The following MAML3 variants were observed in gnomAD, a reference collection of about 807,000 sequenced individuals.
MAML3 encodes the protein mastermind like transcriptional coactivator 3, also known as mastermind-like protein 3.
MAML3 carries 27 observed loss-of-function variants against 101.9 expected under a neutral mutation model. That is an observed-to-expected ratio of 0.27 (90% CI 0.20 to 0.37). The LOEUF (loss-of-function observed/expected upper bound fraction) is 0.37, where lower values mean the gene tolerates loss of function less well. Ranked by LOEUF, MAML3 falls within the 10% of genes least tolerant of loss-of-function variation. MAML3 has a pLI of 1.00. For missense variants in MAML3, 1,316 were observed against 1,444.9 expected (o/e 0.91, Z 1.45); for synonymous variants, 501 against 555.9 (o/e 0.90, Z 1.39).
chr4:139,814,029 C>CAA (rs1348884449), intron 2 of MAML3, among the ~76,000 whole-genome samples: 14 of 149,348 alleles, frequency 9.4e-5, no homozygotes, highest in African/African-American at 2.8e-4. Flanking sequence ...AACACAAACA[C>CAA]ACACACACAC....
At chr4:140,129,131 GA>G (rs1178922317) in intron 1 of MAML3, among the ~76,000 whole-genome samples, 1 of 152,062 alleles carries the variant, frequency 6.6e-6, no homozygotes, top group Non-Finnish European at 1.5e-5. Flanking sequence ...ATAATTAGAC[GA>G]GCCTCAGAAG....
At chr4:139,771,416 A>G (rs536439823) in intron 2 of MAML3, among the ~76,000 whole-genome samples, 38 of 152,350 alleles carry the variant, frequency 2.5e-4, no homozygotes, top group African/African-American at 8.7e-4. Context: ...AACATCAGGT[A>G]GTGAAGAAGT....
At chr4:139,739,290 C>A (rs1375562112) in intron 2 of MAML3, among the ~76,000 whole-genome samples, 2 of 152,332 alleles carry the variant, frequency 1.3e-5, no homozygotes, top group East Asian at 3.9e-4. Context: ...GAGAATGCCA[C>A]CAGCCACAGG....
At chr4:140,071,579 A>G (rs1727654127) in intron 1 of MAML3, among the ~76,000 whole-genome samples, 1 of 152,102 alleles carries the variant, frequency 6.6e-6, no homozygotes, top group Non-Finnish European at 1.5e-5. Flanking sequence ...ACATAAACAC[A>G]TACATAATAG....
At chr4:140,093,994 G>A (rs1490296984) in intron 1 of MAML3, among the ~76,000 whole-genome samples, 2 of 152,222 alleles carry the variant, frequency 1.3e-5, no homozygotes, top group African/African-American at 2.4e-5. Flanking sequence ...GCCAGCAGCT[G>A]AGGCTGAGCC....
chr4:140,079,157 A>G (rs1464038900), intron 1 of MAML3, among the ~76,000 whole-genome samples: 1 of 152,166 alleles, frequency 6.6e-6, no homozygotes, highest in East Asian at 1.9e-4. Context: ...AAAGGAAGGT[A>G]ACCTCTTCAG....
At chr4:139,816,259 C>G (rs1730890941) in intron 2 of MAML3, among the ~76,000 whole-genome samples, 2 of 152,078 alleles carry the variant, frequency 1.3e-5, no homozygotes, top group South Asian at 4.1e-4. Context: ...TAACTTCATG[C>G]CAAAATGAAA....
At chr4:140,021,799 T>C (rs1369192672) in intron 1 of MAML3, among the ~76,000 whole-genome samples, 1 of 152,172 alleles carries the variant, frequency 6.6e-6, no homozygotes, top group East Asian at 1.9e-4. Context: ...CCTCCAGTTT[T>C]GTTTGGCTTA....
intron 2 of MAML3, among the ~76,000 whole-genome samples, chr4:139,810,026 G>A (rs1221537663): frequency 2.0e-5 from 3 of 151,930 alleles, no homozygotes; most frequent in Admixed American, 2.0e-4. Context: ...GTTATAAAGG[G>A]AAGAGAAATA....
At chr4:140,016,566 G>C (rs1025369490) in intron 1 of MAML3, among the ~76,000 whole-genome samples, 13 of 152,118 alleles carry the variant, frequency 8.5e-5, no homozygotes, top group African/African-American at 3.1e-4. Context: ...AAGACTGTGG[G>C]GTACTAGTGA....
Position 139,844,990 on chromosome 4 carries a change from GTCTGTCTCTCTC to G in MAML3, c.2079+44355_2079+44366del, listed in dbSNP as rs752326231. Among the ~76,000 whole-genome samples, 60 of 151,098 alleles carry G rather than the reference GTCTGTCTCTCTC, an allele frequency of 4.0e-4. 1 individual carries two copies. The highest frequency in any genetic ancestry group is 1.5e-3 in the East Asian group (8 of 5,174). ...TTTCTATTTCTCTTTCTCTCTCTCTGTCTGTCTCTCTCTCTGTCTCTCTCTCTCTCTCTCCCT... is the reference window on the plus strand; with the variant it reads ...TTTCTATTTCTCTTTCTCTCTCTCTGTCTGTCTCTCTCTCTCTCTCTCCCT... On this transcript the variant is annotated intron_variant, in intron 2 of 4. Transcript: ENST00000509479.
intron 2 of MAML3, among the ~76,000 whole-genome samples, chr4:139,859,101 C>T (rs948250362): frequency 7.2e-5 from 11 of 152,160 alleles, no homozygotes; most frequent in African/African-American, 2.4e-5. Context: ...TCAAAAGCAC[C>T]TCAGGATACC....
intron 1 of MAML3, among the ~76,000 whole-genome samples, chr4:140,075,376 C>G (rs574943496): frequency 6.6e-6 from 1 of 152,232 alleles, no homozygotes; most frequent in Admixed American, 6.5e-5. Flanking sequence ...AACAAGTTAA[C>G]AAAATGCAAG....
intron 1 of MAML3, among the ~76,000 whole-genome samples, chr4:139,970,231 C>T (rs4863711): frequency 0.32 from 47,943 of 152,032 alleles, 8,392 homozygotes; most frequent in East Asian, 0.62. Flanking sequence ...GCAGGCTTCA[C>T]GGACAAGGTA....
At chr4:139,788,728 CAA>C (rs1349898503) in intron 2 of MAML3, among the ~76,000 whole-genome samples, 2 of 152,228 alleles carry the variant, frequency 1.3e-5, no homozygotes, top group Non-Finnish European at 2.9e-5. Flanking sequence ...AAATTTCCGT[CAA>C]AGAGGACATG....
chr4:139,953,576 G>A (rs1212393542), intron 1 of MAML3, among the ~76,000 whole-genome samples: 1 of 152,128 alleles, frequency 6.6e-6, no homozygotes, highest in Admixed American at 6.5e-5. Context: ...CTGAGATGGC[G>A]CCAATGTACT....
chr4:140,129,922 G>A (rs1728761556), intron 1 of MAML3, among the ~76,000 whole-genome samples: 2 of 150,642 alleles, frequency 1.3e-5, no homozygotes, highest in Admixed American at 6.6e-5. Flanking sequence ...CCAAGATTGT[G>A]CCACTGCACT....
chr4:140,150,744 G>A (rs1729143989), intron 1 of MAML3, among the ~76,000 whole-genome samples: 1 of 152,140 alleles, frequency 6.6e-6, no homozygotes, highest in Non-Finnish European at 1.5e-5. Flanking sequence ...CTCCTCCGTG[G>A]AAGGGCGCTA....
At chr4:139,978,552 C>CTAA (rs1734386337) in intron 1 of MAML3, among the ~76,000 whole-genome samples, 3 of 149,964 alleles carry the variant, frequency 2.0e-5, no homozygotes, top group Non-Finnish European at 4.4e-5. Context: ...GGGTAAAGGG[C>CTAA]AGTTGACCCT....
Sources: allele counts gnomAD v4.1 joint callset (sites outside exome capture counted in the v4.1 genomes callset), GRCh38; gene constraint gnomAD v4.1.1; transcripts MANE v1.5; gene names NCBI Gene and HGNC (gene_info 2026-07-23, HGNC 2026-07-21).